The following CNN1 variants were observed in gnomAD, a reference collection of about 807,000 sequenced individuals.
The protein encoded by CNN1 is calponin 1, also known as calponin-1.
A neutral mutation model predicts 35.3 loss-of-function variants in CNN1; 21 were observed. The observed-to-expected ratio is 0.60, with a 90% CI of 0.42 to 0.86. The LOEUF (loss-of-function observed/expected upper bound fraction) is 0.86. Among genes scored for constraint, CNN1 ranks in the 40% least tolerant of loss-of-function variants. The pLI is 0.00. For missense variants in CNN1, 314 were observed against 400.8 expected (o/e 0.78, Z 1.85); for synonymous variants, 164 against 161.8 (o/e 1.01, Z -0.10).
rs1360178266 is a variant in CNN1, at chr19:11,549,524, C to T, written c.649-26C>T. The T allele has an allele frequency of 7.5e-6, 12 of 1,601,618 alleles. No individual in the cohort carries two copies. Among genetic ancestry groups the T allele is most frequent in the Middle Eastern group, 1.7e-4 (1 of 6,032 alleles). On this transcript the variant is annotated intron_variant, in intron 6 of 6. Transcript: ENST00000252456. This position sits in a 1 kb window ranked among gnomAD's most constrained non-coding sequence, Gnocchi z 5.2. ...AAGGCCCAGGACCCTGGCCACCCCA[C>T]GGCCTGACCACACCACCCTTCGCAG...
At position 11,546,826 on chromosome 19, in the gene CNN1, C is replaced by A. The variant is rs560520388; in HGVS notation, c.253-6C>A. Reference sequence around the variant, plus strand: ...CACCCAGTGACCACCACCTGCCCCCCTCTAGCTGGAGAACATCGGCAACTT... The same window carrying A: ...CACCCAGTGACCACCACCTGCCCCCATCTAGCTGGAGAACATCGGCAACTT... On this transcript the variant is annotated splice_polypyrimidine_tract_variant and splice_region_variant and intron_variant, in intron 3 of 6. Transcript: ENST00000252456. 1.7e-5 allele frequency: 27 copies of A among 1,614,150 alleles called. No individual in the cohort carries two copies. Among genetic ancestry groups the A allele is most frequent in the African/African-American group, 2.7e-5 (2 of 74,958 alleles).
intron 2 of CNN1, 147 bp from the exon 3 acceptor site, chr19:11,546,528 G>GT: frequency 1.3e-5 from 10 of 760,812 alleles, no homozygotes; most frequent in Admixed American, 4.6e-5. Context: ...TAGAGATGGG[G>GT]TTTCACCATG....
rs1972679504 is a variant in CNN1 at position 11,549,785 on chromosome 19, A to G, written c.884A>G (p.Asn295Ser). The G allele has an allele frequency of 3.7e-6, 6 of 1,606,754 alleles. No individual in the cohort carries two copies. Among genetic ancestry groups the G allele is most frequent in the East Asian group, 2.2e-5 (1 of 44,692 alleles). ...AHNHHAHNYY[N>S]SA Reference sequence around the variant, plus strand: ...AACCACCACGCACACAACTACTACAATTCCGCCTAGGGCCACAAGGCCTTC... The same window carrying G: ...AACCACCACGCACACAACTACTACAGTTCCGCCTAGGGCCACAAGGCCTTC... Residue 295 changes from asparagine to serine, a missense_variant, in exon 7 of 7, where the codon AAT (asparagine) becomes AGT (serine). Physicochemically the swap from Asn to Ser is conservative, Grantham distance 46. Transcript: ENST00000252456. This position sits in a 1 kb window ranked among gnomAD's most constrained non-coding sequence, Gnocchi z 5.2.
In CNN1 at chr19:11,549,788, C is replaced by A. The variant is rs1291816240; in HGVS notation, c.887C>A (p.Ser296Tyr). Residue 296 changes from serine to tyrosine, a missense_variant, in exon 7 of 7, where the codon TCC (serine) becomes TAC (tyrosine). Coordinates refer to ENST00000252456, the MANE Select transcript of CNN1 (RefSeq NM_001299.6). The surrounding 1 kb of genome is among the most constrained non-coding windows in gnomAD (Gnocchi z 5.2). ...HNHHAHNYYNSA is the reference protein window; with the variant it reads ...HNHHAHNYYNYA ...CACCACGCACACAACTACTACAATT[C>A]CGCCTAGGGCCACAAGGCCTTCCCT... The A allele has an allele frequency of 6.2e-7, 1 of 1,601,920 alleles. No homozygotes were observed. The highest frequency in any genetic ancestry group is 1.3e-5 in the African/African-American group (1 of 74,676).
At chr19:11,548,075 A>G (rs1416002977) in intron 5 of CNN1, among the ~76,000 whole-genome samples, 168 bp downstream of exon 5, 1 of 152,194 alleles carries the variant, frequency 6.6e-6, no homozygotes, top group African/African-American at 2.4e-5. Flanking sequence ...ACACCCCAGC[A>G]GACAGGTGCT....
Position 11,538,895 on chromosome 19 carries a change from C to T in CNN1, c.-33C>T, listed in dbSNP as rs1972397295. On this transcript the variant is annotated 5_prime_UTR_variant, in exon 1 of 7. Coordinates refer to ENST00000252456, the MANE Select transcript of CNN1 (RefSeq NM_001299.6). Reference sequence around the variant, plus strand: ...CTGCCTCTGTTCTCAGCGTCAGTGCCGCCACTGCCCCCGCCAGAGCCCACC... The same window carrying T: ...CTGCCTCTGTTCTCAGCGTCAGTGCTGCCACTGCCCCCGCCAGAGCCCACC... The T allele has an allele frequency of 6.6e-6, 10 of 1,505,096 alleles. No individual in the cohort carries two copies. The highest frequency in any genetic ancestry group is 1.4e-5 in the African/African-American group (1 of 70,818). The allele number at this position is 1,505,096 out of a possible 1,614,324, so 93.2% of individuals were successfully genotyped here.
chr19:11,542,116 G>A (rs1419503574), intron 2 of CNN1: 1 of 149,776 alleles, frequency 6.7e-6, no homozygotes, highest in Non-Finnish European at 1.5e-5. Flanking sequence ...TCAAACTCCT[G>A]ACCTCAAGTG....
intron 2 of CNN1, among the ~76,000 whole-genome samples, chr19:11,543,264 C>T (rs1054843141): frequency 2.0e-5 from 3 of 149,704 alleles, no homozygotes; most frequent in Middle Eastern, 3.5e-3. Context: ...GTGGGAGGAT[C>T]GCTTGAGCCC....
intron 1 of CNN1, chr19:11,539,803 G>A: frequency 8.5e-7 from 1 of 1,173,294 alleles, no homozygotes; most frequent in South Asian, 1.5e-5. Context: ...GGATCTCGGG[G>A]CTGGAGGAGG....
At position 11,547,822 on chromosome 19, in the gene CNN1, A is replaced by G; in HGVS notation, c.416A>G (p.Asn139Ser). The G allele has an allele frequency of 6.2e-7, 1 of 1,613,986 alleles. No homozygotes were observed. The highest frequency in any genetic ancestry group is 8.5e-7 in the Non-Finnish European group (1 of 1,179,910). The stretch of plus-strand genomic sequence containing the variant: ...GCGAAGACGAAAGGAAACAAGGTGA[A>G]CGTGGGAGTGAAGTACGCAGAGAAG... ...SMAKTKGNKV[N>S]VGVKYAEKQE... is the part of the protein sequence containing the mutation. Residue 139 changes from asparagine (N) to serine (S), a missense_variant, in exon 5 of 7, where the codon AAC becomes AGC. Transcript: ENST00000252456.
intron 2 of CNN1, among the ~76,000 whole-genome samples, chr19:11,544,315 A>G (rs979087545): frequency 1.3e-5 from 2 of 152,034 alleles, no homozygotes; most frequent in African/African-American, 4.8e-5. Flanking sequence ...CCTGAGGCAA[A>G]GCAGAGGGGG....
At position 11,549,696 on chromosome 19, in the gene CNN1, C is replaced by A; in HGVS notation, c.795C>A (p.Arg265=). Residue 265 remains arginine, a synonymous_variant, in exon 7 of 7, where the codon CGC becomes CGA. Coordinates refer to ENST00000252456, the MANE Select transcript of CNN1 (RefSeq NM_001299.6). This position sits in a 1 kb window ranked among gnomAD's most constrained non-coding sequence, Gnocchi z 5.2. The stretch of plus-strand genomic sequence containing the variant: ...GCATGACGGTGTATGGGCTGCCACG[C>A]CAGGTCTACGACCCCAAGTACTGTC... ...QRGMTVYGLP[R]QVYDPKYCLT... 1 of 1,614,232 alleles carries A rather than the reference C, an allele frequency of 6.2e-7. No individual in the cohort carries two copies. Among genetic ancestry groups the A allele is most frequent in the Non-Finnish European group, 8.5e-7 (1 of 1,180,028 alleles).
Position 11,547,798 on chromosome 19 carries a change from C to A in CNN1, c.392C>A (p.Ala131Glu). The change falls in exon 5 of 7, where the codon GCG becomes GAG. Residue 131 changes from alanine to glutamate, a missense_variant and splice_region_variant. Transcript: ENST00000252456. ...CCCTGCTTTCCCTGCCCCACCTAGG[C>A]GAAGACGAAAGGAAACAAGGTGAAC... is the stretch of plus-strand genomic sequence containing the variant. ...QSTLLALASM[A>E]KTKGNKVNVG... 6.2e-7 allele frequency: 1 copy of A among 1,612,828 alleles called. No individual in the cohort carries two copies.
At chr19:11,543,072 A>G (rs560015268) in intron 2 of CNN1, among the ~76,000 whole-genome samples, 1 of 152,298 alleles carries the variant, frequency 6.6e-6, no homozygotes, top group East Asian at 1.9e-4. Flanking sequence ...GGAACAAGGA[A>G]TTGGCAGGTG....
At chr19:11,545,594 G>A (rs1972562761) in intron 2 of CNN1, among the ~76,000 whole-genome samples, 1 of 151,904 alleles carries the variant, frequency 6.6e-6, no homozygotes, top group Non-Finnish European at 1.5e-5. Flanking sequence ...AGCTGAATGA[G>A]ATGGTAAGAA....
chr19:11,546,791 C>A, intron 3 of CNN1, 41 bp from the exon 4 acceptor site: 1 of 1,613,678 alleles, frequency 6.2e-7, no homozygotes, highest in Non-Finnish European at 8.5e-7. Context: ...CCCCTCAGAC[C>A]TCCCCTCCCC....
chr19:11,547,805 G>C lies in CNN1; in HGVS notation c.399G>C (p.Thr133=). The C allele has an allele frequency of 6.2e-7, 1 of 1,613,718 alleles. No individual in the cohort carries two copies. Among genetic ancestry groups the C allele is most frequent in the Non-Finnish European group, 8.5e-7 (1 of 1,179,804 alleles). Residue 133 remains threonine, a synonymous_variant, in exon 5 of 7, where the codon ACG becomes ACC. Coordinates refer to ENST00000252456, the MANE Select transcript of CNN1 (RefSeq NM_001299.6). ...TTCCCTGCCCCACCTAGGCGAAGAC[G>C]AAAGGAAACAAGGTGAACGTGGGAG... is the stretch of plus-strand genomic sequence containing the variant. ...TLLALASMAK[T]KGNKVNVGVK... is the part of the protein sequence containing the mutation.
chr19:11,547,879 G>A lies in CNN1; in HGVS notation c.473G>A (p.Arg158Lys), dbSNP rs1326325808. Residue 158 changes from arginine (R) to lysine (K), a missense_variant, in exon 5 of 7, where the codon AGA (arginine) becomes AAA (lysine). Coordinates refer to ENST00000252456, the MANE Select transcript of CNN1 (RefSeq NM_001299.6). ...CGGAAATTCGAGCCGGGGAAGCTAA[G>A]AGAAGGGCGGAACATCATTGGGCTG... is the stretch of plus-strand genomic sequence containing the variant. ...QERKFEPGKLREGRNIIGLQM... is the reference protein window; with the variant it reads ...QERKFEPGKLKEGRNIIGLQM... The A allele has an allele frequency of 1.5e-5, 25 of 1,613,888 alleles. No homozygotes were observed. The East Asian group carries it at 5.6e-4, about 36-fold the overall frequency.
intron 1 of CNN1, chr19:11,539,465 TGACTGTG>T: frequency 9.1e-7 from 1 of 1,096,748 alleles, no homozygotes; most frequent in Non-Finnish European, 1.1e-6. Flanking sequence ...AGGGGTCTCC[TGACTGTG>T]GAGCTAGGAA....
Sources: allele counts gnomAD v4.1 joint callset (sites outside exome capture counted in the v4.1 genomes callset), GRCh38; gene constraint gnomAD v4.1.1; non-coding constraint Gnocchi (gnomAD v3.1); transcripts MANE v1.5; gene names NCBI Gene and HGNC (gene_info 2026-07-23, HGNC 2026-07-21).